LSAMP: variants seen among roughly 807,000 people sequenced by gnomAD.
The protein encoded by LSAMP is limbic system associated membrane protein.
LSAMP carries 7 observed loss-of-function variants against 38.6 expected under a neutral mutation model. The observed-to-expected ratio is 0.18, with a 90% confidence interval of 0.10 to 0.34. The LOEUF is 0.34. Among genes scored for constraint, LSAMP ranks in the 10% least tolerant of loss-of-function variants. The pLI is 1.00. For missense variants in LSAMP, 313 were observed against 420.0 expected, an observed-to-expected ratio of 0.75 and a Z score of 2.23; for synonymous variants, 154 against 166.8, an observed-to-expected ratio of 0.92 and a Z score of 0.59.
At chr3:115,966,109 G>A (rs561319318) in intron 3 of LSAMP, among the ~76,000 whole-genome samples, 6 of 152,268 alleles carry the variant, frequency 3.9e-5, no homozygotes, top group African/African-American at 1.2e-4. Context: ...CTGACCAATA[G>A]GATGAAAATA....
chr3:116,036,428 A>T (rs1576323448), intron 2 of LSAMP, among the ~76,000 whole-genome samples: 1 of 152,180 alleles, frequency 6.6e-6, no homozygotes, highest in Non-Finnish European at 1.5e-5. Context: ...GCCTTATAGG[A>T]ACTTCTCTGC....
At chr3:116,137,414 G>A (rs2107510509) in intron 1 of LSAMP, among the ~76,000 whole-genome samples, 1 of 152,084 alleles carries the variant, frequency 6.6e-6, no homozygotes, top group East Asian at 1.9e-4. Context: ...ATTTTAACAA[G>A]TAATAAACAT....
chr3:115,829,946 C>T (rs769163102), intron 6 of LSAMP, among the ~76,000 whole-genome samples: 1 of 152,134 alleles, frequency 6.6e-6, no homozygotes, highest in Non-Finnish European at 1.5e-5. Flanking sequence ...TTATAAGACA[C>T]ATGTGTATCT....
intron 1 of LSAMP, among the ~76,000 whole-genome samples, chr3:116,194,709 A>G (rs1281077556): frequency 6.6e-6 from 1 of 152,116 alleles, no homozygotes; most frequent in Non-Finnish European, 1.5e-5. Flanking sequence ...GGATTCCTAA[A>G]TAGCCCACTA....
At chr3:116,135,823 C>T (rs556379247) in intron 1 of LSAMP, among the ~76,000 whole-genome samples, 1 of 152,144 alleles carries the variant, frequency 6.6e-6, no homozygotes, top group Non-Finnish European at 1.5e-5. Flanking sequence ...GATAATGCAT[C>T]CCATAATTTC....
intron 1 of LSAMP, among the ~76,000 whole-genome samples, chr3:116,407,979 T>A (rs1462420264): frequency 2.0e-5 from 3 of 152,002 alleles, no homozygotes; most frequent in Admixed American, 6.6e-5. Context: ...AGAAGGTACA[T>A]CAGAGCCTAA....
At chr3:115,930,953 A>C (rs963961748) in intron 3 of LSAMP, among the ~76,000 whole-genome samples, 4 of 152,188 alleles carry the variant, frequency 2.6e-5, no homozygotes, top group African/African-American at 7.2e-5. Flanking sequence ...AAATTACATA[A>C]ATTGTTTGAA....
At chr3:115,996,280 T>G (rs1473590435) in intron 3 of LSAMP, among the ~76,000 whole-genome samples, 3 of 152,034 alleles carry the variant, frequency 2.0e-5, no homozygotes, top group African/African-American at 7.2e-5. Flanking sequence ...ACATTGAACA[T>G]TTACTACATG....
intron 1 of LSAMP, among the ~76,000 whole-genome samples, chr3:116,226,089 A>G (rs1013061929): frequency 3.0e-4 from 46 of 152,290 alleles, no homozygotes; most frequent in Non-Finnish European, 3.5e-4. Flanking sequence ...TGAACAATCA[A>G]TAAGTTTCTC....
At position 116,203,890 on chromosome 3, in the gene LSAMP, A is replaced by T. The variant is rs148094773; in HGVS notation, c.156-117334T>A. Among the ~76,000 whole-genome samples the T allele has an allele frequency of 3.9e-4, 59 of 152,278 alleles. No homozygotes were observed. In the East Asian group the frequency reaches 0.011, roughly 28 times the overall value. ...GTGCATGTGTCTTTATAGCAGCATG[A>T]TTTAGACTCCCTTGGGTATATACCC... On this transcript the variant is annotated intron_variant, in intron 1 of 6. Transcript: ENST00000490035.
chr3:116,121,776 A>G (rs1192357860), intron 1 of LSAMP, among the ~76,000 whole-genome samples: 1 of 152,202 alleles, frequency 6.6e-6, no homozygotes, highest in African/African-American at 2.4e-5. Flanking sequence ...GCTCTAGAGC[A>G]AGCTTGTCCA....
At chr3:115,844,242 T>C (rs1935086610) in intron 4 of LSAMP, among the ~76,000 whole-genome samples, 1 of 152,202 alleles carries the variant, frequency 6.6e-6, no homozygotes, top group Non-Finnish European at 1.5e-5. Context: ...AACCCTTAAC[T>C]AATTTAACTC....
At chr3:116,316,336 T>A (rs1230570693) in intron 1 of LSAMP, among the ~76,000 whole-genome samples, 3 of 152,148 alleles carry the variant, frequency 2.0e-5, no homozygotes, top group African/African-American at 7.2e-5. Context: ...TTTTAGGTTG[T>A]TTTAGGAGTT....
intron 1 of LSAMP, among the ~76,000 whole-genome samples, chr3:116,261,209 T>G (rs2107658347): frequency 6.6e-6 from 1 of 152,312 alleles, no homozygotes; most frequent in Middle Eastern, 3.4e-3. Flanking sequence ...TCTTCTAATC[T>G]TTCCTCATGC....
At chr3:115,912,163 G>T (rs1434204171) in intron 3 of LSAMP, among the ~76,000 whole-genome samples, 2 of 152,086 alleles carry the variant, frequency 1.3e-5, no homozygotes, top group Admixed American at 1.3e-4. Context: ...TTTTGATGAA[G>T]TCAATTTATT....
intron 1 of LSAMP, among the ~76,000 whole-genome samples, chr3:116,273,361 T>C (rs146654923): frequency 8.6e-5 from 13 of 151,948 alleles, no homozygotes; most frequent in East Asian, 7.8e-4. Flanking sequence ...TCCATCTTAA[T>C]AGAAAACTGA....
At chr3:116,444,787 G>GACACAC in intron 1 of LSAMP, 90 bp downstream of exon 1, 2 of 1,201,770 alleles carry the variant, frequency 1.7e-6, no homozygotes, top group Non-Finnish European at 2.4e-6. Flanking sequence ...AAGGAGATCA[G>GACACAC]ACACACACAC....
chr3:115,818,821 T>TATATATATATATATATATATATATAG (rs1172422801), intron 6 of LSAMP, among the ~76,000 whole-genome samples: 1 of 124,220 alleles, frequency 8.1e-6, no homozygotes, highest in Non-Finnish European at 1.7e-5. Context: ...TATATATATA[T>TATATATATATATATATATATATATAG]AACTGCAGCA....
intron 1 of LSAMP, among the ~76,000 whole-genome samples, chr3:116,381,157 C>T (rs1322231882): frequency 6.6e-6 from 1 of 152,000 alleles, no homozygotes; most frequent in Non-Finnish European, 1.5e-5. Flanking sequence ...TAATCTAGAT[C>T]TAATAAATTG....
Sources: allele counts gnomAD v4.1 joint callset (sites outside exome capture counted in the v4.1 genomes callset), GRCh38; gene constraint gnomAD v4.1.1; transcripts MANE v1.5; gene names NCBI Gene and HGNC (gene_info 2026-07-23, HGNC 2026-07-21).